ERBB4: variants seen among roughly 807,000 people sequenced by gnomAD.
The protein encoded by ERBB4 is erb-b2 receptor tyrosine kinase 4.
In ERBB4, 42 loss-of-function variants were observed where a neutral mutation model predicts 158.0. The ratio of observed to expected loss-of-function variants is 0.27; its 90% CI spans 0.21 to 0.34. ERBB4 has a LOEUF of 0.34. Among genes scored for constraint, ERBB4 ranks in the 10% least tolerant of loss-of-function variants. ERBB4 has a pLI of 1.00. For synonymous variants in ERBB4, 583 were observed against 558.7 expected (o/e 1.04, Z -0.61); for missense variants, 1,333 against 1,624.1 (o/e 0.82, Z 3.08).
intron 21 of ERBB4, among the ~76,000 whole-genome samples, chr2:211,429,559 A>G (rs73067250): frequency 0.015 from 2,273 of 152,352 alleles, 63 homozygotes; most frequent in African/African-American, 0.052. Flanking sequence ...GAAGGGCAGC[A>G]TTATATAGCT....
chr2:212,242,957 T>C (rs1457141783), intron 1 of ERBB4, among the ~76,000 whole-genome samples: 1 of 152,274 alleles, frequency 6.6e-6, no homozygotes, highest in Admixed American at 6.5e-5. Flanking sequence ...AGTTCAGATA[T>C]GTGGCATCTG....
intron 1 of ERBB4, among the ~76,000 whole-genome samples, chr2:212,466,046 T>A (rs1329046196): frequency 6.6e-6 from 1 of 152,228 alleles, no homozygotes; most frequent in African/African-American, 2.4e-5. Context: ...CCTGAAAGCA[T>A]CTTAAAATTT....
intron 20 of ERBB4, among the ~76,000 whole-genome samples, chr2:211,537,616 G>A (rs2066691711): frequency 6.6e-6 from 1 of 151,914 alleles, no homozygotes; most frequent in Non-Finnish European, 1.5e-5. Flanking sequence ...GGTGGTTGAA[G>A]AAACTGTATT....
At position 212,304,866 on chromosome 2, in the gene ERBB4, GA is replaced by G. The variant is rs534297685; in HGVS notation, c.83-179964del. The stretch of plus-strand genomic sequence containing the variant: ...TTTATATGTAATCAGAGAAAGATTA[GA>G]ATCCATAACAATTCTAAATATTAAT... On this transcript the variant is annotated intron_variant, in intron 1 of 27. Coordinates refer to ENST00000342788, the MANE Select transcript of ERBB4 (RefSeq NM_005235.3). 3.4e-4 allele frequency among the ~76,000 whole-genome samples: 51 copies of G among 151,416 alleles called. No homozygotes were observed. The South Asian group carries it at 6.9e-3, about 20-fold the overall frequency.
chr2:211,559,666 T>C (rs1020254888), intron 20 of ERBB4, among the ~76,000 whole-genome samples: 1 of 152,212 alleles, frequency 6.6e-6, no homozygotes, highest in African/African-American at 2.4e-5. Flanking sequence ...TCTGAACCAC[T>C]GTATTCAATC....
At chr2:212,495,657 A>T (rs1293320085) in intron 1 of ERBB4, among the ~76,000 whole-genome samples, 1 of 152,184 alleles carries the variant, frequency 6.6e-6, no homozygotes, top group Non-Finnish European at 1.5e-5. Context: ...AGCCCCATTG[A>T]TGCCTAAAAT....
intron 19 of ERBB4, among the ~76,000 whole-genome samples, chr2:211,564,278 C>A (rs2067487670): frequency 6.6e-6 from 1 of 152,096 alleles, no homozygotes; most frequent in Admixed American, 6.6e-5. Context: ...TTACAAACCT[C>A]CCTAAACAGA....
At chr2:212,386,376 G>A (rs181843163) in intron 1 of ERBB4, among the ~76,000 whole-genome samples, 18 of 151,684 alleles carry the variant, frequency 1.2e-4, no homozygotes, top group Middle Eastern at 6.8e-3. Flanking sequence ...GTTTGGGTGG[G>A]GAATGGCACA....
At chr2:212,003,587 A>G (rs966276489) in intron 2 of ERBB4, among the ~76,000 whole-genome samples, 1 of 152,166 alleles carries the variant, frequency 6.6e-6, no homozygotes, top group Non-Finnish European at 1.5e-5. Flanking sequence ...ACCCTTTACA[A>G]TCCCCATCTC....
intron 1 of ERBB4, among the ~76,000 whole-genome samples, chr2:212,438,530 A>G (rs1387465498): frequency 6.6e-6 from 1 of 152,148 alleles, no homozygotes; most frequent in Non-Finnish European, 1.5e-5. Flanking sequence ...TGGGTACCCT[A>G]TAAGTGTTTG....
At chr2:212,188,326 C>T (rs2082092851) in intron 1 of ERBB4, among the ~76,000 whole-genome samples, 1 of 141,908 alleles carries the variant, frequency 7.0e-6, no homozygotes, top group Non-Finnish European at 1.5e-5. Context: ...TCCCGCTACC[C>T]ACTACAACTC....
intron 1 of ERBB4, among the ~76,000 whole-genome samples, chr2:212,241,149 T>C (rs1176527038): frequency 1.3e-5 from 2 of 152,014 alleles, no homozygotes; most frequent in African/African-American, 4.8e-5. Flanking sequence ...TCCAGCTCTT[T>C]GGGAGGTTGA....
intron 1 of ERBB4, among the ~76,000 whole-genome samples, chr2:212,388,391 G>T (rs1171689678): frequency 1.3e-5 from 2 of 152,088 alleles, no homozygotes; most frequent in African/African-American, 2.4e-5. Flanking sequence ...TGAAAGGGAA[G>T]AATTGCTAAA....
At chr2:212,472,470 C>T (rs2106121947) in intron 1 of ERBB4, among the ~76,000 whole-genome samples, 1 of 151,644 alleles carries the variant, frequency 6.6e-6, no homozygotes, top group Non-Finnish European at 1.5e-5. Context: ...ACTTCTCATA[C>T]TCCTTACAAA....
intron 21 of ERBB4, among the ~76,000 whole-genome samples, chr2:211,429,804 G>GAAGT (rs1191616920): frequency 7.9e-5 from 12 of 152,196 alleles, no homozygotes; most frequent in African/African-American, 2.4e-4. Flanking sequence ...TTGTGTTAAA[G>GAAGT]AAGTAAGTTT....
chr2:211,752,472 C>T (rs1311098363), intron 4 of ERBB4, among the ~76,000 whole-genome samples: 2 of 139,896 alleles, frequency 1.4e-5, no homozygotes, highest in Non-Finnish European at 3.0e-5. Flanking sequence ...TTCTTTGTGG[C>T]CAGAATACTA....
At chr2:211,750,118 A>G (rs2075087707) in intron 5 of ERBB4, among the ~76,000 whole-genome samples, 1 of 152,222 alleles carries the variant, frequency 6.6e-6, no homozygotes, top group African/African-American at 2.4e-5. Flanking sequence ...TCCAAGAAAC[A>G]GTATAAACTA....
In ERBB4 at chr2:211,579,404, T is replaced by A. The variant is rs115668181; in HGVS notation, c.2302-17316A>T. ...ATATAGTGTGGCAAATCCTCAAAGATGTAAAACCAGAAATACCATTTGAGC... is the reference window on the plus strand; with the variant it reads ...ATATAGTGTGGCAAATCCTCAAAGAAGTAAAACCAGAAATACCATTTGAGC... On this transcript the variant is annotated intron_variant, in intron 19 of 27. Coordinates refer to ENST00000342788, the MANE Select transcript of ERBB4 (RefSeq NM_005235.3). Among the ~76,000 whole-genome samples, 1,212 of 152,206 alleles carry A rather than the reference T, an allele frequency of 8.0e-3. 20 individuals carry two copies. The highest frequency in any genetic ancestry group is 0.028 in the African/African-American group (1,152 of 41,526).
At chr2:211,933,473 T>C (rs192929236) in intron 3 of ERBB4, among the ~76,000 whole-genome samples, 139 of 152,210 alleles carry the variant, frequency 9.1e-4, no homozygotes, top group Non-Finnish European at 1.6e-3. Context: ...TAATCTATTG[T>C]AGATATTTGA....
Sources: allele counts gnomAD v4.1 joint callset (sites outside exome capture counted in the v4.1 genomes callset), GRCh38; gene constraint gnomAD v4.1.1; transcripts MANE v1.5; gene names NCBI Gene and HGNC (gene_info 2026-07-23, HGNC 2026-07-21).